The following FGF14 variants were observed in gnomAD, a reference collection of about 807,000 sequenced individuals.
FGF14 encodes the protein fibroblast growth factor 14.
A neutral mutation model predicts 25.5 loss-of-function variants in FGF14; 5 were observed. The ratio of observed to expected loss-of-function variants is 0.20; its 90% CI spans 0.10 to 0.41. The LOEUF (loss-of-function observed/expected upper bound fraction) is 0.41, where lower values mean the gene tolerates loss of function less well. Ranked by LOEUF, FGF14 falls within the 10% of genes least tolerant of loss-of-function variation. The pLI is 1.00. For missense variants in FGF14, 222 were observed against 320.1 expected (o/e 0.69, Z 2.34); for synonymous variants, 138 against 118.3 (o/e 1.17, Z -1.08).
chr13:102,148,896 C>T (rs2046964506), intron 1 of FGF14, among the ~76,000 whole-genome samples: 2 of 152,118 alleles, frequency 1.3e-5, no homozygotes, highest in African/African-American at 4.8e-5. Flanking sequence ...AGATGGTGAG[C>T]CTCTTTGTGA....
rs192061223 is a variant in FGF14, at chr13:101,863,807, G to A, written c.408+4918C>T. 6.6e-3 allele frequency among the ~76,000 whole-genome samples: 1,010 copies of A among 152,226 alleles called. 9 individuals are homozygous for A. The highest frequency in any genetic ancestry group is 0.017 in the South Asian group (80 of 4,822). ...AACATTGTTCCACCTTGTTTTGCTA[G>A]AATTATAGATCCTGCAAGAAGATGA... is the stretch of plus-strand genomic sequence containing the variant. On this transcript the variant is annotated intron_variant, in intron 3 of 4. Coordinates refer to ENST00000376143, the MANE Select transcript of FGF14 (RefSeq NM_004115.4).
At chr13:101,992,983 C>T (rs1246218990) in intron 1 of FGF14, among the ~76,000 whole-genome samples, 1 of 151,780 alleles carries the variant, frequency 6.6e-6, no homozygotes, top group African/African-American at 2.4e-5. Context: ...TCTAAGAGAA[C>T]ACAAAGAAGG....
At chr13:101,897,169 T>A (rs1040949696) in intron 1 of FGF14, among the ~76,000 whole-genome samples, 5 of 152,186 alleles carry the variant, frequency 3.3e-5, no homozygotes, top group Non-Finnish European at 5.9e-5. Flanking sequence ...ACCTAGGTCC[T>A]GGGTTTGCCC....
intron 1 of FGF14, among the ~76,000 whole-genome samples, chr13:102,158,452 T>C (rs1311480128): frequency 2.8e-5 from 4 of 142,348 alleles, no homozygotes; most frequent in African/African-American, 5.3e-5. Context: ...TTCTCACTCA[T>C]AGGTGGGAAT....
At chr13:102,183,234 C>G (rs192040072) in intron 1 of FGF14, among the ~76,000 whole-genome samples, 1 of 151,984 alleles carries the variant, frequency 6.6e-6, no homozygotes, top group African/African-American at 2.4e-5. Context: ...AATTTATTCC[C>G]CTAAGGATTT....
chr13:102,057,160 T>G (rs1297790243), intron 1 of FGF14, among the ~76,000 whole-genome samples: 1 of 152,100 alleles, frequency 6.6e-6, no homozygotes, highest in Non-Finnish European at 1.5e-5. Context: ...GTTTATAAAC[T>G]ATGAATTTTT....
chr13:101,786,413 C>T (rs780108775), intron 3 of FGF14, among the ~76,000 whole-genome samples: 41 of 152,036 alleles, frequency 2.7e-4, no homozygotes, highest in Non-Finnish European at 4.4e-4. Flanking sequence ...GGGTGGAGGA[C>T]GGGGAGTTAA....
chr13:102,365,538 G>C (rs889025668), intron 1 of FGF14, among the ~76,000 whole-genome samples: 1 of 152,116 alleles, frequency 6.6e-6, no homozygotes, highest in Non-Finnish European at 1.5e-5. Context: ...CCCCATGCTT[G>C]TTAAAGTATG....
intron 1 of FGF14, among the ~76,000 whole-genome samples, chr13:102,030,065 T>C (rs1268069286): frequency 6.6e-6 from 1 of 152,098 alleles, no homozygotes; most frequent in Admixed American, 6.6e-5. Flanking sequence ...GTATACAATA[T>C]AATTTTTAGC....
intron 1 of FGF14, among the ~76,000 whole-genome samples, chr13:102,246,217 G>A (rs2051859198): frequency 6.6e-6 from 1 of 152,000 alleles, no homozygotes; most frequent in South Asian, 2.1e-4. Context: ...AAAAATTTAA[G>A]AATGATCATA....
At chr13:101,916,948 G>A (rs992422065), upstream of FGF14, among the ~76,000 whole-genome samples, 1 of 151,910 alleles carries the variant, frequency 6.6e-6, no homozygotes, top group East Asian at 1.9e-4. Context: ...GCGGCTGCGG[G>A]CGCTGCTGGT....
chr13:102,060,048 C>G (rs577540768), intron 1 of FGF14, among the ~76,000 whole-genome samples: 1 of 151,750 alleles, frequency 6.6e-6, no homozygotes. Context: ...TGAGTGCCAG[C>G]ATAACATTCA....
intron 1 of FGF14, among the ~76,000 whole-genome samples, chr13:102,031,889 TTTC>T (rs1286628123): frequency 1.3e-5 from 2 of 152,070 alleles, no homozygotes; most frequent in East Asian, 3.9e-4. Context: ...GGTGATGAGA[TTTC>T]TTTTCATTTG....
chr13:102,161,630 AGAAGAAGAAG>A (rs2047710054), intron 1 of FGF14, among the ~76,000 whole-genome samples: 1 of 9,136 alleles, frequency 1.1e-4, no homozygotes. Context: ...AAGAAGAAGA[AGAAGAAGAAG>A]AAGAAGAAGA....
chr13:102,189,458 T>G (rs1037210053), intron 1 of FGF14, among the ~76,000 whole-genome samples: 4 of 151,756 alleles, frequency 2.6e-5, no homozygotes, highest in African/African-American at 9.7e-5. Context: ...GGAATTAGAG[T>G]GTTGATATGA....
At chr13:102,134,353 T>C (rs2046322128) in intron 1 of FGF14, among the ~76,000 whole-genome samples, 1 of 152,116 alleles carries the variant, frequency 6.6e-6, no homozygotes, top group South Asian at 2.1e-4. Flanking sequence ...CCCAATATGC[T>C]CAAGAGAATG....
intron 1 of FGF14, among the ~76,000 whole-genome samples, chr13:102,042,048 A>G (rs2041769981): frequency 6.6e-6 from 1 of 152,178 alleles, no homozygotes; most frequent in Non-Finnish European, 1.5e-5. Context: ...ATACTCAAAG[A>G]AGAGCAAACT....
At chr13:102,192,749 A>T (rs1381956119) in intron 1 of FGF14, among the ~76,000 whole-genome samples, 1 of 152,176 alleles carries the variant, frequency 6.6e-6, no homozygotes, top group Non-Finnish European at 1.5e-5. Context: ...GTCACTTTAT[A>T]AAAGGATCAC....
chr13:102,222,327 T>C (rs1040017042), intron 1 of FGF14, among the ~76,000 whole-genome samples: 4 of 152,238 alleles, frequency 2.6e-5, no homozygotes, highest in Non-Finnish European at 4.4e-5. Context: ...GTTCATTTTA[T>C]ATTCAGCCTT....
Sources: gnomAD v4.1 joint callset for allele counts (sites outside exome capture counted in the v4.1 genomes callset) on GRCh38, gnomAD v4.1.1 for gene constraint, MANE v1.5 for transcripts, NCBI Gene and HGNC (gene_info 2026-07-23, HGNC 2026-07-21) for gene names.